FERMT2: variants seen among roughly 807,000 people sequenced by gnomAD.
FERMT2 encodes FERM domain containing kindlin 2.
Under a neutral mutation model 82.7 loss-of-function variants are expected in FERMT2, and 15 were observed. The ratio of observed to expected loss-of-function variants is 0.18; its 90% CI spans 0.12 to 0.28. FERMT2 has a LOEUF of 0.28. FERMT2 is among the 10% of genes least tolerant of loss of function. The pLI is 1.00. For synonymous variants in FERMT2, 274 were observed against 271.5 expected (o/e 1.01, Z -0.09); for missense variants, 645 against 809.4 (o/e 0.80, Z 2.46).
chr14:52,935,558 T>G (rs1889798994), intron 2 of FERMT2, among the ~76,000 whole-genome samples: 1 of 152,160 alleles, frequency 6.6e-6, no homozygotes, highest in African/African-American at 2.4e-5. Context: ...CTCCTCCATG[T>G]GAGGAAACCA....
rs551080657 is a variant in FERMT2 at position 52,882,308 on chromosome 14, AAC to A, written c.527-841_527-840del. On this transcript the variant is annotated intron_variant, in intron 4 of 14. Coordinates refer to ENST00000341590, the MANE Select transcript of FERMT2 (RefSeq NM_006832.3). ...AAAAGTCTGCCCTAGAAAGAGTCTA[AAC>A]AGAGATATATTTAATAGTCAAATCT... Among the ~76,000 whole-genome samples the A allele has an allele frequency of 4.3e-3, 658 of 152,316 alleles. 2 individuals are homozygous for A. Among genetic ancestry groups the A allele is most frequent in the Admixed American group, 6.6e-3 (101 of 15,294 alleles).
intron 2 of FERMT2, among the ~76,000 whole-genome samples, chr14:52,944,034 A>C (rs1361251816): frequency 6.6e-6 from 1 of 152,208 alleles, no homozygotes; most frequent in Non-Finnish European, 1.5e-5. Flanking sequence ...CAAAAACAAA[A>C]GGCAGCAAAT....
intron 14 of FERMT2, chr14:52,859,069 C>T (rs967658979): frequency 1.3e-5 from 2 of 156,998 alleles, no homozygotes; most frequent in Admixed American, 6.2e-5. Context: ...CTGGGGGCAA[C>T]ATGATGTACA....
intron 7 of FERMT2, 58 bp downstream of exon 7, chr14:52,878,523 TA>T: frequency 9.3e-7 from 1 of 1,078,710 alleles, no homozygotes; most frequent in Non-Finnish European, 1.4e-6. Flanking sequence ...CTTTACTGTT[TA>T]AAAATACCTC....
chr14:52,936,488 TAA>T lies in FERMT2; in HGVS notation c.157+13922_157+13923del, dbSNP rs1389069207. ...GCTCTGGGGATAATGCTAAATCTTT[TAA>T]ACCTGGTTCAGAAAGCACTTTAGCA... On this transcript the variant is annotated intron_variant, in intron 2 of 14. Coordinates refer to ENST00000341590, the MANE Select transcript of FERMT2 (RefSeq NM_006832.3). 3.3e-5 allele frequency among the ~76,000 whole-genome samples: 5 copies of T among 152,220 alleles called. No homozygotes were observed. In the East Asian group the frequency reaches 9.6e-4, roughly 29 times the overall value.
chr14:52,895,311 T>C (rs771578445), intron 3 of FERMT2, among the ~76,000 whole-genome samples: 2 of 152,302 alleles, frequency 1.3e-5, no homozygotes, highest in East Asian at 3.9e-4. Flanking sequence ...CAATTCTGTA[T>C]AAACATACAT....
In FERMT2 at chr14:52,858,188, T is replaced by TTA; in HGVS notation, c.*187_*188dup. On this transcript the variant is annotated 3_prime_UTR_variant, in exon 15 of 15. Transcript: ENST00000341590. ...GGAATGTGTGACAAATTCAAGTTTA[T>TTA]TATATCATAACATGATAGATTAATA... 1.9e-6 allele frequency: 1 copy of TTA among 530,276 alleles called. No homozygotes were observed. The highest frequency in any genetic ancestry group is 3.3e-6 in the Non-Finnish European group (1 of 299,312). 32.8% of individuals were successfully genotyped at this position (530,276 alleles called of 1,614,324 possible).
intron 3 of FERMT2, among the ~76,000 whole-genome samples, chr14:52,911,660 A>T (rs1888322475): frequency 6.6e-6 from 1 of 151,952 alleles, no homozygotes; most frequent in East Asian, 1.9e-4. Flanking sequence ...CAAAATAAAA[A>T]AAAAAAAAAA....
rs553855601 is a variant in FERMT2, at chr14:52,903,906, T to C, written c.392-10479A>G. ...ATATTCACCCCAGAGTGCAAGAGGA[T>C]GTCTAGGAAGAAAAAAAGAAAAGTG... On this transcript the variant is annotated intron_variant, in intron 3 of 14. Coordinates refer to ENST00000341590, the MANE Select transcript of FERMT2 (RefSeq NM_006832.3). 3.9e-5 allele frequency among the ~76,000 whole-genome samples: 6 copies of C among 152,220 alleles called. No homozygotes were observed. The South Asian group carries it at 8.3e-4, about 21-fold the overall frequency.
At chr14:52,872,945 C>G in intron 9 of FERMT2, 22 bp from the exon 10 acceptor site, 2 of 1,607,688 alleles carry the variant, frequency 1.2e-6, no homozygotes, top group Non-Finnish European at 1.7e-6. Context: ...AGAGAATTAA[C>G]AACAAAATCA....
intron 2 of FERMT2, among the ~76,000 whole-genome samples, chr14:52,927,590 T>TAAAAAAAAAAAAAAAAAAAAAAAAAA (rs1566755584): frequency 8.5e-5 from 1 of 11,790 alleles, no homozygotes; most frequent in African/African-American, 2.5e-4. Flanking sequence ...ACCTCATCCC[T>TAAAAAAAAAAAAAAAAAAAAAAAAAA]ATAAAAAAAA....
chr14:52,933,338 A>C (rs1258380936), intron 2 of FERMT2, among the ~76,000 whole-genome samples: 1 of 152,110 alleles, frequency 6.6e-6, no homozygotes, highest in Non-Finnish European at 1.5e-5. Flanking sequence ...AATTACTATA[A>C]CACCATTTTT....
intron 13 of FERMT2, 21 bp from the exon 14 acceptor site, chr14:52,859,735 A>T: frequency 6.6e-7 from 1 of 1,505,054 alleles, no homozygotes; most frequent in Non-Finnish European, 9.1e-7. Flanking sequence ...TAAGAAAAGA[A>T]CGGTTAAAAA....
intron 2 of FERMT2, among the ~76,000 whole-genome samples, chr14:52,929,729 C>G (rs912600649): frequency 1.3e-5 from 2 of 152,112 alleles, no homozygotes; most frequent in African/African-American, 4.8e-5. Flanking sequence ...CTACCCTAGC[C>G]CTCCAATGTC....
chr14:52,911,417 T>C (rs1348433073), intron 3 of FERMT2, among the ~76,000 whole-genome samples: 1 of 151,978 alleles, frequency 6.6e-6, no homozygotes, highest in East Asian at 1.9e-4. Flanking sequence ...TTTGGGAGGC[T>C]GAGGCGGGCG....
chr14:52,882,080 T>C (rs1886332144), intron 4 of FERMT2, among the ~76,000 whole-genome samples: 1 of 152,172 alleles, frequency 6.6e-6, no homozygotes, highest in Non-Finnish European at 1.5e-5. Flanking sequence ...TAGTGACAAA[T>C]ATGTCTACAA....
intron 2 of FERMT2, among the ~76,000 whole-genome samples, chr14:52,924,311 CAGT>C (rs1260406692): frequency 2.0e-5 from 3 of 152,132 alleles, no homozygotes; most frequent in African/African-American, 7.2e-5. Context: ...GGCCCTAGAG[CAGT>C]AGTTTTCTGC....
chr14:52,916,471 G>A (rs145054076), intron 3 of FERMT2, among the ~76,000 whole-genome samples: 6 of 152,288 alleles, frequency 3.9e-5, no homozygotes, highest in Middle Eastern at 6.8e-3. Context: ...TACTGTATGA[G>A]TCCAAACATA....
intron 2 of FERMT2, among the ~76,000 whole-genome samples, chr14:52,924,733 G>T (rs1180075165): frequency 1.3e-5 from 2 of 152,090 alleles, no homozygotes; most frequent in Non-Finnish European, 2.9e-5. Flanking sequence ...GAATAATAGC[G>T]ATCAATAGAT....
Sources: gnomAD v4.1 joint callset for allele counts (sites outside exome capture counted in the v4.1 genomes callset) on GRCh38, gnomAD v4.1.1 for gene constraint, MANE v1.5 for transcripts, NCBI Gene and HGNC (gene_info 2026-07-23, HGNC 2026-07-21) for gene names.